Variants in PPP4R2 observed in about 807,000 individuals in gnomAD.
PPP4R2 encodes the protein serine/threonine-protein phosphatase 4 regulatory subunit 2.
Under a neutral mutation model 47.2 loss-of-function variants are expected in PPP4R2, and 13 were observed. The ratio of observed to expected loss-of-function variants is 0.28; its 90% CI spans 0.18 to 0.44. PPP4R2 has a LOEUF of 0.44. Among genes scored for constraint, PPP4R2 ranks in the 20% least tolerant of loss-of-function variants. The pLI is 1.00. For missense variants in PPP4R2, 421 were observed against 491.2 expected, an observed-to-expected ratio of 0.86 and a Z score of 1.35; for synonymous variants, 151 against 163.3, an observed-to-expected ratio of 0.92 and a Z score of 0.57.
chr3:73,063,375 G>T, intron 5 of PPP4R2: 1 of 241,426 alleles, frequency 4.1e-6, no homozygotes, highest in Non-Finnish European at 8.2e-6. Context: ...TGTAATCCCA[G>T]CACTTTGGGA....
At chr3:73,017,158 T>C (rs1340060142) in intron 2 of PPP4R2, among the ~76,000 whole-genome samples, 1 of 152,112 alleles carries the variant, frequency 6.6e-6, no homozygotes, top group Non-Finnish European at 1.5e-5. Context: ...GGGCACAAGC[T>C]ATTTACCACC....
At chr3:73,032,267 T>TA (rs1702179805) in intron 2 of PPP4R2, among the ~76,000 whole-genome samples, 2 of 152,098 alleles carry the variant, frequency 1.3e-5, no homozygotes, top group South Asian at 4.1e-4. Context: ...GAGCTACAAG[T>TA]AAAACTGCTT....
intron 2 of PPP4R2, among the ~76,000 whole-genome samples, chr3:73,037,759 T>G (rs1702294734): frequency 6.6e-6 from 1 of 152,198 alleles, no homozygotes; most frequent in South Asian, 2.1e-4. Flanking sequence ...CCTGAGGCCC[T>G]TCCTTGTTGA....
chr3:73,041,524 G>A (rs1702379562), intron 2 of PPP4R2, among the ~76,000 whole-genome samples: 1 of 152,200 alleles, frequency 6.6e-6, no homozygotes, highest in African/African-American at 2.4e-5. Context: ...AACATTAAGT[G>A]TATTTTAAGC....
Position 73,034,911 on chromosome 3 carries a change from A to G in PPP4R2, c.117-12275A>G, listed in dbSNP as rs570575849. On this transcript the variant is annotated intron_variant, in intron 2 of 8. Transcript: ENST00000356692. ...CTGGGCAAAGGTAGGTGAGACCTCA[A>G]AAGCACAGGGAACGAAAGCAAAAAC... is the stretch of plus-strand genomic sequence containing the variant. 5.9e-5 allele frequency among the ~76,000 whole-genome samples: 9 copies of G among 152,300 alleles called. No homozygotes were observed. In the South Asian group the frequency reaches 1.7e-3, roughly 28 times the overall value.
chr3:73,008,268 A>G (rs1350860899), intron 2 of PPP4R2, among the ~76,000 whole-genome samples: 4 of 152,216 alleles, frequency 2.6e-5, no homozygotes, highest in African/African-American at 4.8e-5. Context: ...CAGTAAATAT[A>G]AGTTGAATAG....
chr3:72,997,053 C>G lies in PPP4R2; in HGVS notation c.16C>G (p.Leu6Val). Residue 6 changes from leucine (L) to valine (V), a missense_variant, in exon 1 of 9, where the codon CTC (leucine) becomes GTC (valine). By Grantham distance (32) the Leu-to-Val change is conservative. Transcript: ENST00000356692. The part of the protein sequence containing the change: MDVER[L>V]QEALKDFEKR... ...CCGGGAAGCCATGGACGTCGAGAGG[C>G]TCCAGGAGGCGCTGAAAGGTGGGGG... The G allele has an allele frequency of 7.1e-7, 1 of 1,407,944 alleles. No homozygotes were observed. Among genetic ancestry groups the G allele is most frequent in the Non-Finnish European group, 9.4e-7 (1 of 1,064,572 alleles). 87.2% of individuals were successfully genotyped at this position (1,407,944 alleles called of 1,614,324 possible).
intron 2 of PPP4R2, among the ~76,000 whole-genome samples, chr3:73,009,474 T>C (rs1701679628): frequency 6.6e-6 from 1 of 152,230 alleles, no homozygotes; most frequent in South Asian, 2.1e-4. Flanking sequence ...TGTATGCACA[T>C]GTGTATCTGT....
intron 2 of PPP4R2, among the ~76,000 whole-genome samples, chr3:73,032,086 T>C (rs369560700): frequency 1.1e-4 from 16 of 152,192 alleles, no homozygotes; most frequent in African/African-American, 3.4e-4. Flanking sequence ...CCTGACTCTT[T>C]TTAAATTGAT....
Position 73,066,070 on chromosome 3 carries a change from T to C in PPP4R2, c.*348T>C, listed in dbSNP as rs569352652. 6.4e-6 allele frequency: 1 copy of C among 155,976 alleles called. No homozygotes were observed. Among genetic ancestry groups the C allele is most frequent in the Non-Finnish European group, 1.4e-5 (1 of 71,030 alleles). 9.7% of individuals were successfully genotyped at this position (155,976 alleles called of 1,614,324 possible). ...TTTTTTGAGATTATCACATTTAGTT[T>C]ATACATATGCAAGAAGCTTTTTGTC... On this transcript the variant is annotated 3_prime_UTR_variant, in exon 9 of 9. Transcript: ENST00000356692.
chr3:73,008,650 T>TA (rs199881093), intron 2 of PPP4R2, among the ~76,000 whole-genome samples: 1 of 152,134 alleles, frequency 6.6e-6, no homozygotes, highest in African/African-American at 2.4e-5. Context: ...TTTCCTCACT[T>TA]AAAAAAATGG....
intron 3 of PPP4R2, among the ~76,000 whole-genome samples, chr3:73,049,802 A>T (rs2107315623): frequency 6.6e-6 from 1 of 151,028 alleles, no homozygotes; most frequent in East Asian, 1.9e-4. Flanking sequence ...TATTACATAA[A>T]TCTAAATATT....
chr3:73,004,763 G>A (rs1419552769), intron 2 of PPP4R2, among the ~76,000 whole-genome samples: 1 of 152,014 alleles, frequency 6.6e-6, no homozygotes, highest in Non-Finnish European at 1.5e-5. Context: ...AACATCTGAT[G>A]ATAATTTTTT....
chr3:72,998,634 CTG>C (rs1334540870), intron 2 of PPP4R2, among the ~76,000 whole-genome samples: 7 of 152,030 alleles, frequency 4.6e-5, no homozygotes, highest in East Asian at 3.9e-4. Context: ...CTGGAGGACT[CTG>C]TTATTATCTG....
intron 2 of PPP4R2, among the ~76,000 whole-genome samples, chr3:73,037,823 C>T (rs904716113): frequency 6.6e-6 from 1 of 152,134 alleles, no homozygotes; most frequent in South Asian, 2.1e-4. Context: ...ACTGAAATCT[C>T]GGCAATTAAG....
At chr3:73,013,703 A>C (rs1701769997) in intron 2 of PPP4R2, among the ~76,000 whole-genome samples, 1 of 151,656 alleles carries the variant, frequency 6.6e-6, no homozygotes, top group South Asian at 2.1e-4. Flanking sequence ...CAGTGGCACA[A>C]CCTCAGCTCA....
intron 2 of PPP4R2, among the ~76,000 whole-genome samples, chr3:73,006,977 T>G (rs1399335235): frequency 1.3e-5 from 2 of 152,234 alleles, no homozygotes; most frequent in Non-Finnish European, 2.9e-5. Context: ...CAGCTAGTTT[T>G]GTTGTAAATA....
intron 2 of PPP4R2, among the ~76,000 whole-genome samples, chr3:73,003,398 A>G (rs559345750): frequency 1.6e-3 from 242 of 152,066 alleles, no homozygotes; most frequent in Non-Finnish European, 2.8e-3. Context: ...TTTTTAGTAG[A>G]GACGGGGTTT....
chr3:73,004,497 C>A (rs1291691377), intron 2 of PPP4R2, among the ~76,000 whole-genome samples: 4 of 152,082 alleles, frequency 2.6e-5, no homozygotes, highest in African/African-American at 9.7e-5. Context: ...GCTCTTTTGC[C>A]CCGGTTGGAG....
Sources: gnomAD v4.1 joint callset for allele counts (sites outside exome capture counted in the v4.1 genomes callset) on GRCh38, gnomAD v4.1.1 for gene constraint, MANE v1.5 for transcripts, NCBI Gene and HGNC (gene_info 2026-07-23, HGNC 2026-07-21) for gene names.